OR2L13: variants seen among roughly 807,000 people sequenced by gnomAD.
OR2L13 encodes the protein olfactory receptor family 2 subfamily L member 13.
Under a neutral mutation model 15.3 loss-of-function variants are expected in OR2L13, and 14 were observed. The observed-to-expected ratio is 0.91, with a 90% CI of 0.60 to 1.43. The LOEUF (loss-of-function observed/expected upper bound fraction) is 1.43. Among genes scored for constraint, OR2L13 ranks in the 40% most tolerant of loss-of-function variants. The pLI, the probability that OR2L13 is intolerant of heterozygous loss-of-function variation, is 0.00. For synonymous variants in OR2L13, 152 were observed against 142.9 expected, an observed-to-expected ratio of 1.06 and a Z score of -0.45; for missense variants, 367 against 387.9, an observed-to-expected ratio of 0.95 and a Z score of 0.45.
Position 248,100,373 on chromosome 1 carries a change from G to C in OR2L13, c.*59G>C. On this transcript the variant is annotated 3_prime_UTR_variant, in exon 3 of 3. Coordinates refer to ENST00000641714, the Ensembl canonical transcript of OR2L13. The stretch of plus-strand genomic sequence containing the variant: ...TTTCCAAGTTGATTCCAACACGCTA[G>C]AGCAGGGTTGTCCAATAGAAATACA... 5.3e-6 allele frequency: 5 copies of C among 949,068 alleles called. No individual in the cohort carries two copies. In the South Asian group the frequency reaches 6.7e-5, roughly 13 times the overall value. The allele number at this position is 949,068 out of a possible 1,614,324, so 58.8% of individuals were successfully genotyped here.
the OR2L13 span, among the ~76,000 whole-genome samples, chr1:247,940,748 G>GTGTA: frequency 3.8e-4 from 58 of 150,962 alleles, no homozygotes; most frequent in Non-Finnish European, 6.1e-4. Context: ...GTGTGTGTGT[G>GTGTA]TGTGTGTGCG....
chr1:248,039,457 G>A, the OR2L13 span: 2 of 292,952 alleles, frequency 6.8e-6, no homozygotes, highest in Non-Finnish European at 6.5e-6. Context: ...TTTGGCTCTT[G>A]TTGCCCAGGC....
At chr1:247,968,680 T>G in the OR2L13 span, among the ~76,000 whole-genome samples, 2 of 152,160 alleles carry the variant, frequency 1.3e-5, no homozygotes, top group Non-Finnish European at 2.9e-5. Context: ...GAACGCATCC[T>G]TTTTTATGGC....
At chr1:247,963,264 C>G in the OR2L13 span, among the ~76,000 whole-genome samples, 3 of 152,118 alleles carry the variant, frequency 2.0e-5, no homozygotes, top group Admixed American at 6.6e-5. Context: ...ACGGAGGGGT[C>G]CTCACCTTTT....
the OR2L13 span, chr1:247,990,447 C>T: frequency 6.3e-7 from 1 of 1,582,600 alleles, no homozygotes; most frequent in South Asian, 1.1e-5. Flanking sequence ...CATGTATTTC[C>T]TACTTAGTCA....
At chr1:247,959,178 A>C in the OR2L13 span, among the ~76,000 whole-genome samples, 1 of 151,916 alleles carries the variant, frequency 6.6e-6, no homozygotes. Flanking sequence ...TCTGTAAAGT[A>C]TTTTATTTCT....
chr1:248,004,445 A>G, the OR2L13 span, among the ~76,000 whole-genome samples: 17 of 152,344 alleles, frequency 1.1e-4, no homozygotes, highest in African/African-American at 3.8e-4. Context: ...GTTTATGTCT[A>G]AAACAAAAAA....
the OR2L13 span, among the ~76,000 whole-genome samples, chr1:248,048,316 A>AG: frequency 1.3e-5 from 2 of 152,194 alleles, no homozygotes; most frequent in Non-Finnish European, 2.9e-5. Context: ...CTTCTCAACA[A>AG]TTACAAATAC....
the OR2L13 span, chr1:247,991,320 A>G: frequency 1.5e-6 from 1 of 668,010 alleles, no homozygotes. Context: ...TTAATCTAAA[A>G]GATTTGTATT....
chr1:248,064,993 G>A, the OR2L13 span, among the ~76,000 whole-genome samples: 2 of 152,154 alleles, frequency 1.3e-5, no homozygotes, highest in East Asian at 3.8e-4. Context: ...CTTTCCCCTT[G>A]TGGTCATTAA....
chr1:247,949,893 A>C, the OR2L13 span: 1 of 887,800 alleles, frequency 1.1e-6, no homozygotes, highest in Non-Finnish European at 1.6e-6. Flanking sequence ...TGCAGGACTA[A>C]AACTAACCAA....
the OR2L13 span, chr1:248,013,536 G>A: frequency 6.6e-6 from 1 of 152,140 alleles, no homozygotes; most frequent in East Asian, 1.9e-4. Flanking sequence ...TCCAGGTAAA[G>A]AAGGACTGGA....
At chr1:247,955,259 C>T in the OR2L13 span, among the ~76,000 whole-genome samples, 6 of 152,226 alleles carry the variant, frequency 3.9e-5, no homozygotes, top group Admixed American at 3.9e-4. Flanking sequence ...TCATCCGTGT[C>T]CCTACAAAGG....
chr1:247,937,841 T>C, the OR2L13 span, among the ~76,000 whole-genome samples: 2 of 152,220 alleles, frequency 1.3e-5, no homozygotes, highest in African/African-American at 4.8e-5. Context: ...TTTTATACTA[T>C]AGAAATAAAT....
chr1:248,015,016 G>T, the OR2L13 span, among the ~76,000 whole-genome samples: 1 of 152,028 alleles, frequency 6.6e-6, no homozygotes, highest in Non-Finnish European at 1.5e-5. Flanking sequence ...ATGTCTGTCT[G>T]CCCACTTACC....
At chr1:247,965,347 G>A in the OR2L13 span, 3 of 1,584,896 alleles carry the variant, frequency 1.9e-6, no homozygotes, top group South Asian at 1.2e-5. Flanking sequence ...CATTTCAGAT[G>A]TCATCTCCTT....
the OR2L13 span, among the ~76,000 whole-genome samples, chr1:247,998,322 G>T: frequency 3.3e-5 from 5 of 152,050 alleles, no homozygotes; most frequent in African/African-American, 1.2e-4. Context: ...ATGATCAATG[G>T]AAGAGATAGG....
At chr1:247,970,466 G>A in the OR2L13 span, among the ~76,000 whole-genome samples, 1 of 151,836 alleles carries the variant, frequency 6.6e-6, no homozygotes, top group African/African-American at 2.4e-5. Context: ...AAGAATCTTG[G>A]GGAAAAACCC....
At chr1:248,008,359 C>T in the OR2L13 span, among the ~76,000 whole-genome samples, 1 of 152,042 alleles carries the variant, frequency 6.6e-6, no homozygotes, top group South Asian at 2.1e-4. Flanking sequence ...CTTGCATTGA[C>T]CATTTATTTG....
Sources: gnomAD v4.1 joint callset for allele counts (sites outside exome capture counted in the v4.1 genomes callset) on GRCh38, gnomAD v4.1.1 for gene constraint, MANE v1.5 for transcripts, NCBI Gene and HGNC (gene_info 2026-07-23, HGNC 2026-07-21) for gene names.